The following SLC41A2 variants were observed in gnomAD, a reference collection of about 807,000 sequenced individuals.
The protein encoded by SLC41A2 is SLC41A1-like 1.
In SLC41A2, 32 loss-of-function variants were observed where a neutral mutation model predicts 58.3. The ratio of observed to expected loss-of-function variants is 0.55; its 90% CI spans 0.41 to 0.74. The LOEUF is 0.74. SLC41A2 is among the 30% of genes least tolerant of loss of function. The pLI, the probability that SLC41A2 is intolerant of heterozygous loss-of-function variation, is 0.00. For missense variants in SLC41A2, 514 were observed against 680.6 expected, an observed-to-expected ratio of 0.76 and a Z score of 2.72; for synonymous variants, 190 against 235.0, an observed-to-expected ratio of 0.81 and a Z score of 1.75.
chr12:104,809,761 G>A (rs573957874), intron 10 of SLC41A2, among the ~76,000 whole-genome samples: 1 of 151,990 alleles, frequency 6.6e-6, no homozygotes, highest in Admixed American at 6.6e-5. Context: ...GAAATAATAA[G>A]AGCCTTGGTT....
chr12:104,837,666 G>T (rs2042258491), intron 10 of SLC41A2, among the ~76,000 whole-genome samples: 1 of 152,048 alleles, frequency 6.6e-6, no homozygotes, highest in South Asian at 2.1e-4. Flanking sequence ...GGGCCAAAAG[G>T]AAGGTGAGTG....
intron 10 of SLC41A2, among the ~76,000 whole-genome samples, chr12:104,815,003 C>T (rs2041330801): frequency 6.6e-6 from 1 of 152,216 alleles, no homozygotes; most frequent in Non-Finnish European, 1.5e-5. Context: ...GATATTCCCT[C>T]TCTGCCTTTG....
At chr12:104,825,705 C>T (rs1361010525) in intron 10 of SLC41A2, among the ~76,000 whole-genome samples, 3 of 152,124 alleles carry the variant, frequency 2.0e-5, no homozygotes, top group Non-Finnish European at 2.9e-5. Context: ...GTCCCAAACT[C>T]GATTCCAAGC....
In SLC41A2 at chr12:104,866,587, TAA is replaced by T. The variant is rs34984157; in HGVS notation, c.1028-10_1028-9del. The stretch of plus-strand genomic sequence containing the variant: ...AAATGTAGTAATAGGTCTCTAAAAT[TAA>T]AAAAAAAAAAAAAAAGAGAGACAAC... On this transcript the variant is annotated splice_polypyrimidine_tract_variant and intron_variant, in intron 6 of 10. Coordinates refer to ENST00000258538, the MANE Select transcript of SLC41A2 (RefSeq NM_001352171.3). The T allele has an allele frequency of 0.22, 279,943 of 1,290,512 alleles. 3,890 individuals are homozygous for T. Among genetic ancestry groups the T allele is most frequent in the African/African-American group, 0.4 (25,488 of 64,258 alleles). 79.9% of individuals were successfully genotyped at this position (1,290,512 alleles called of 1,614,324 possible).
intron 10 of SLC41A2, among the ~76,000 whole-genome samples, chr12:104,815,114 C>T (rs1007742657): frequency 2.0e-5 from 3 of 152,036 alleles, no homozygotes; most frequent in African/African-American, 2.4e-5. Flanking sequence ...ATAGTTCAAG[C>T]GGGTTTAAAT....
At chr12:104,914,797 C>T (rs1351685245) in intron 2 of SLC41A2, among the ~76,000 whole-genome samples, 2 of 152,230 alleles carry the variant, frequency 1.3e-5, no homozygotes, top group Non-Finnish European at 2.9e-5. Context: ...CATACTTGTA[C>T]CACCTCAGAA....
chr12:104,854,991 T>G (rs2042969433), intron 8 of SLC41A2, among the ~76,000 whole-genome samples: 1 of 152,186 alleles, frequency 6.6e-6, no homozygotes, highest in Non-Finnish European at 1.5e-5. Context: ...TTCATGGGCC[T>G]TGCTCCCTCA....
intron 10 of SLC41A2, among the ~76,000 whole-genome samples, chr12:104,808,427 A>T (rs1289698643): frequency 6.6e-6 from 1 of 152,196 alleles, no homozygotes; most frequent in East Asian, 1.9e-4. Context: ...CCACTTGATC[A>T]TGGTGGATAA....
intron 2 of SLC41A2, among the ~76,000 whole-genome samples, chr12:104,918,035 C>T (rs1300435869): frequency 6.7e-6 from 1 of 148,926 alleles, no homozygotes; most frequent in Admixed American, 6.7e-5. Context: ...AACCTATTCA[C>T]TTTTAAACAT....
chr12:104,861,894 T>A (rs550090332), intron 7 of SLC41A2, among the ~76,000 whole-genome samples: 1 of 152,330 alleles, frequency 6.6e-6, no homozygotes, highest in African/African-American at 2.4e-5. Context: ...ACTGGCAAAT[T>A]AAAATAATGA....
intron 2 of SLC41A2, among the ~76,000 whole-genome samples, chr12:104,923,612 T>A (rs2135858739): frequency 6.6e-6 from 1 of 151,690 alleles, no homozygotes; most frequent in African/African-American, 2.4e-5. Context: ...CCCAAATAAG[T>A]AAAATTAGAA....
chr12:104,955,491 T>C (rs1384060292), intron 1 of SLC41A2, among the ~76,000 whole-genome samples: 1 of 152,168 alleles, frequency 6.6e-6, no homozygotes, highest in Non-Finnish European at 1.5e-5. Context: ...TCTCAGTACT[T>C]TTCTGTCCAC....
intron 10 of SLC41A2, among the ~76,000 whole-genome samples, chr12:104,816,637 AATAAGAAATAAACC>A (rs1272653801): frequency 6.6e-6 from 1 of 152,222 alleles, no homozygotes; most frequent in African/African-American, 2.4e-5. Flanking sequence ...TGCACCTCTG[AATAAGAAATAAACC>A]AGCCCCCACA....
chr12:104,883,600 T>C (rs918089981), intron 6 of SLC41A2, among the ~76,000 whole-genome samples: 11 of 152,342 alleles, frequency 7.2e-5, no homozygotes, highest in African/African-American at 2.6e-4. Flanking sequence ...CTGTTGGAGT[T>C]TGCTGGAGGT....
At chr12:104,894,256 G>A (rs557382708) in intron 4 of SLC41A2, among the ~76,000 whole-genome samples, 1 of 152,012 alleles carries the variant, frequency 6.6e-6, no homozygotes, top group South Asian at 2.1e-4. Context: ...CGGGCACTCA[G>A]GTGGGAGAAT....
At chr12:104,871,408 C>T (rs1267280381) in intron 6 of SLC41A2, among the ~76,000 whole-genome samples, 1 of 152,108 alleles carries the variant, frequency 6.6e-6, no homozygotes, top group African/African-American at 2.4e-5. Context: ...TTAAAGATTA[C>T]TGTATGTTTA....
intron 1 of SLC41A2, among the ~76,000 whole-genome samples, chr12:104,943,492 G>T (rs59581650): frequency 0.015 from 2,268 of 152,226 alleles, 69 homozygotes; most frequent in African/African-American, 0.052. Context: ...AGCTACAAAT[G>T]GTTCTTCAAA....
intron 3 of SLC41A2, among the ~76,000 whole-genome samples, chr12:104,896,680 G>A (rs895705192): frequency 2.0e-5 from 3 of 152,266 alleles, no homozygotes; most frequent in African/African-American, 4.8e-5. Context: ...ACATACATTC[G>A]GGTCTAGGAA....
Position 104,951,253 on chromosome 12 carries a change from A to T in SLC41A2, c.-168+6835T>A, listed in dbSNP as rs1476211184. ...AGAGTTATTTCCTTAGGATAAACTT[A>T]TACAAGTTAACAGTTTCCATTTAGT... is the stretch of plus-strand genomic sequence containing the variant. On this transcript the variant is annotated intron_variant, in intron 1 of 10. Coordinates refer to ENST00000258538, the MANE Select transcript of SLC41A2 (RefSeq NM_001352171.3). Among the ~76,000 whole-genome samples the T allele has an allele frequency of 2.0e-5, 3 of 152,246 alleles. No homozygotes were observed. In the East Asian group the frequency reaches 5.8e-4, roughly 29 times the overall value.
Sources: allele counts gnomAD v4.1 joint callset (sites outside exome capture counted in the v4.1 genomes callset), GRCh38; gene constraint gnomAD v4.1.1; transcripts MANE v1.5; gene names NCBI Gene and HGNC (gene_info 2026-07-23, HGNC 2026-07-21).